Variants in SS18 observed in about 807,000 individuals in gnomAD.
SS18 encodes the protein SS18 subunit of BAF chromatin remodeling complex.
In SS18, 28 loss-of-function variants were observed where a neutral mutation model predicts 72.5. That is an observed-to-expected ratio of 0.39 (90% CI 0.29 to 0.53). The LOEUF is 0.53. Among genes scored for constraint, SS18 ranks in the 20% least tolerant of loss-of-function variants. The probability of loss-of-function intolerance (pLI) is 0.76; values close to 1 mark genes in which losing one functional copy is unlikely to be tolerated. For missense variants in SS18, 518 were observed against 535.3 expected, an observed-to-expected ratio of 0.97 and a Z score of 0.32; for synonymous variants, 172 against 164.2, an observed-to-expected ratio of 1.05 and a Z score of -0.37.
chr18:26,084,212 G>A (rs2054578147), intron 2 of SS18: 1 of 152,140 alleles, frequency 6.6e-6, no homozygotes, highest in African/African-American at 2.4e-5. Context: ...TAAAGTAAGA[G>A]ATTATAACCT....
intron 10 of SS18, among the ~76,000 whole-genome samples, chr18:26,024,001 G>A (rs2143787443): frequency 6.6e-6 from 1 of 152,026 alleles, no homozygotes; most frequent in South Asian, 2.1e-4. Context: ...CTATGTATAG[G>A]CATACTATCA....
In SS18 at chr18:26,039,400, C is replaced by T. The variant is rs753267000; in HGVS notation, c.664G>A (p.Gly222Arg). Residue 222 changes from glycine to arginine, a missense_variant, in exon 6 of 11, where the codon GGA becomes AGA. By Grantham distance (125) the Gly-to-Arg change is moderately radical. Coordinates refer to ENST00000415083, the MANE Select transcript of SS18 (RefSeq NM_001007559.3). ...GGCTGCTGTCCTTGGTAATGCTGTCCGCCTCCCTGTGGCATATTGTATTGC... is the reference window on the plus strand; with the variant it reads ...GGCTGCTGTCCTTGGTAATGCTGTCTGCCTCCCTGTGGCATATTGTATTGC... Reference protein sequence around the residue: ...SQQYNMPQGGGQHYQGQQPPM... With the variant: ...SQQYNMPQGGRQHYQGQQPPM... 1.6e-5 allele frequency: 26 copies of T among 1,613,568 alleles called. 1 individual carries two copies. Among genetic ancestry groups the T allele is most frequent in the Non-Finnish European group, 1.9e-5 (22 of 1,179,822 alleles).
At chr18:26,045,229 T>C (rs907642229) in intron 5 of SS18, among the ~76,000 whole-genome samples, 1 of 152,230 alleles carries the variant, frequency 6.6e-6, no homozygotes, top group Non-Finnish European at 1.5e-5. Flanking sequence ...ATTCAGATCA[T>C]GTTATTCCAG....
rs563176437 is a variant in SS18 at position 26,018,035 on chromosome 18, A to C, written c.*319T>G. 8.7e-4 allele frequency: 238 copies of C among 273,374 alleles called. No individual in the cohort carries two copies. Among genetic ancestry groups the C allele is most frequent in the Non-Finnish European group, 9.6e-4 (139 of 144,420 alleles). The allele number at this position is 273,374 out of a possible 1,614,324, so 16.9% of individuals were successfully genotyped here. A position where few individuals can be genotyped will look rare whatever the true frequency, so the allele number is the denominator to read the frequency against. On this transcript the variant is annotated 3_prime_UTR_variant, in exon 11 of 11. Transcript: ENST00000415083. Reference sequence around the variant, plus strand: ...TTCCCTTACCCTTCATAAACATACAAAGCTGTTCACACCTTTCAGTCTGTA... The same window carrying C: ...TTCCCTTACCCTTCATAAACATACACAGCTGTTCACACCTTTCAGTCTGTA...
intron 4 of SS18, among the ~76,000 whole-genome samples, chr18:26,055,412 A>G (rs1183994067): frequency 6.6e-6 from 1 of 151,990 alleles, no homozygotes; most frequent in African/African-American, 2.4e-5. Context: ...GGTTGCAGTG[A>G]GCCGAGATTG....
intron 10 of SS18, among the ~76,000 whole-genome samples, chr18:26,031,908 T>C (rs2053548666): frequency 1.3e-5 from 2 of 152,024 alleles, no homozygotes; most frequent in Middle Eastern, 3.2e-3. Context: ...CACATCTCAG[T>C]AGGTTAAGGC....
chr18:26,053,796 G>T (rs999612164), intron 4 of SS18, among the ~76,000 whole-genome samples: 1 of 152,144 alleles, frequency 6.6e-6, no homozygotes, highest in African/African-American at 2.4e-5. Context: ...TCAAAAGTTC[G>T]ATCTAACTAT....
intron 10 of SS18, among the ~76,000 whole-genome samples, chr18:26,019,526 A>G (rs535929868): frequency 6.6e-6 from 1 of 152,226 alleles, no homozygotes; most frequent in African/African-American, 2.4e-5. Flanking sequence ...TAGGGATTTT[A>G]TGGGCCAGGC....
intron 3 of SS18, among the ~76,000 whole-genome samples, chr18:26,064,227 G>GAA (rs532462766): frequency 4.0e-5 from 6 of 151,862 alleles, no homozygotes; most frequent in Non-Finnish European, 8.8e-5. Context: ...AAACCATTAA[G>GAA]AATAAATAAT....
chr18:26,063,111 C>T (rs940665435), intron 3 of SS18, among the ~76,000 whole-genome samples: 7 of 152,188 alleles, frequency 4.6e-5, no homozygotes, highest in Non-Finnish European at 8.8e-5. Flanking sequence ...GAATCACATA[C>T]TGGGCCATAA....
intron 2 of SS18, among the ~76,000 whole-genome samples, chr18:26,081,768 A>G (rs2054527814): frequency 6.7e-6 from 1 of 150,290 alleles, no homozygotes; most frequent in South Asian, 2.1e-4. Context: ...CTAAAACAGT[A>G]TATGTTGTGC....
intron 10 of SS18, among the ~76,000 whole-genome samples, chr18:26,024,832 C>T (rs1240264724): frequency 1.3e-5 from 2 of 151,974 alleles, no homozygotes; most frequent in African/African-American, 4.8e-5. Flanking sequence ...TCACACTAAA[C>T]ATGTCAAAAA....
In SS18 at chr18:26,069,507, T is replaced by TAAAA. The variant is rs11329781; in HGVS notation, c.231+8565_231+8568dup. 4.7e-5 allele frequency among the ~76,000 whole-genome samples: 4 copies of TAAAA among 86,020 alleles called. No individual in the cohort carries two copies. The East Asian group carries it at 8.4e-4, about 18-fold the overall frequency. 56.4% of individuals were successfully genotyped at this position (86,020 alleles called of 152,430 possible). ...GGTCTGCCACAAAGACCTACCAAAG[T>TAAAA]AAAAAAAAAAAAAAAAAAAGAAAAA... On this transcript the variant is annotated intron_variant, in intron 3 of 10. Coordinates refer to ENST00000415083, the MANE Select transcript of SS18 (RefSeq NM_001007559.3).
chr18:26,027,693 A>C (rs1033878147), intron 10 of SS18, among the ~76,000 whole-genome samples: 2 of 147,056 alleles, frequency 1.4e-5, no homozygotes, highest in African/African-American at 5.0e-5. Context: ...AAAAAAAAAA[A>C]AAAAAAAAAA....
Position 26,052,727 on chromosome 18 carries a change from T to C in SS18, c.504A>G (p.Pro168=), listed in dbSNP as rs752179492. The change falls in exon 5 of 11, where the codon CCA becomes CCG. Residue 168 remains proline, a synonymous_variant. Transcript: ENST00000415083. ...GSMGGYNHSV[P]SSQSMPVQNQ... is the part of the protein sequence containing the mutation. Reference sequence around the variant, plus strand: ...TCTGTACTGGCATGCTCTGTGATGATGGCACAGAATGGTTGTAACCTCCCA... The same window carrying C: ...TCTGTACTGGCATGCTCTGTGATGACGGCACAGAATGGTTGTAACCTCCCA... 4 of 1,613,978 alleles carry C rather than the reference T, an allele frequency of 2.5e-6. No homozygotes were observed. Among genetic ancestry groups the C allele is most frequent in the South Asian group, 2.2e-5 (2 of 91,080 alleles).
intron 5 of SS18, among the ~76,000 whole-genome samples, chr18:26,040,815 T>C (rs1044105088): frequency 6.6e-6 from 1 of 152,216 alleles, no homozygotes; most frequent in African/African-American, 2.4e-5. Context: ...TCAAAAACTC[T>C]GGGACCTTTC....
At chr18:26,029,151 G>T (rs770763017) in intron 10 of SS18, among the ~76,000 whole-genome samples, 7 of 152,170 alleles carry the variant, frequency 4.6e-5, no homozygotes, top group Non-Finnish European at 1.0e-4. Context: ...TGCATGTAAG[G>T]AACAGCAAAT....
At chr18:26,061,137 C>A (rs1004105924) in intron 3 of SS18, among the ~76,000 whole-genome samples, 10 of 152,118 alleles carry the variant, frequency 6.6e-5, no homozygotes, top group Non-Finnish European at 2.9e-5. Context: ...CACGGTGAAA[C>A]CCTGTCTCTA....
Position 26,018,120 on chromosome 18 carries a change from C to T in SS18, c.*234G>A, listed in dbSNP as rs1338597746. The stretch of plus-strand genomic sequence containing the variant: ...CAAATTGGTTATGTCATTGCATTTT[C>T]TGTCCAATGTTGCCATCTAGAGTAG... On this transcript the variant is annotated 3_prime_UTR_variant, in exon 11 of 11. Transcript: ENST00000415083. 7.5e-6 allele frequency: 3 copies of T among 401,976 alleles called. No individual in the cohort carries two copies. The highest frequency in any genetic ancestry group is 6.2e-5 in the African/African-American group (3 of 48,508). 24.9% of individuals were successfully genotyped at this position (401,976 alleles called of 1,614,324 possible). A position where few individuals can be genotyped will look rare whatever the true frequency, so the allele number is the denominator to read the frequency against.
Sources: gnomAD v4.1 joint callset for allele counts (sites outside exome capture counted in the v4.1 genomes callset) on GRCh38, gnomAD v4.1.1 for gene constraint, MANE v1.5 for transcripts, NCBI Gene and HGNC (gene_info 2026-07-23, HGNC 2026-07-21) for gene names.